The following PSG8 variants were observed in gnomAD, a reference collection of about 807,000 sequenced individuals.
The protein encoded by PSG8 is pregnancy-specific beta-1-glycoprotein 8.
Under a neutral mutation model 42.5 loss-of-function variants are expected in PSG8, and 57 were observed. That is an observed-to-expected ratio of 1.34 (90% CI 1.08 to 1.67). The LOEUF (loss-of-function observed/expected upper bound fraction) is 1.67, where lower values mean the gene tolerates loss of function less well. PSG8 is among the 40% of genes most tolerant of loss of function. PSG8 has a pLI of 0.00. For missense variants in PSG8, 783 were observed against 518.6 expected, an observed-to-expected ratio of 1.51 and a Z score of -4.95; for synonymous variants, 280 against 196.8, an observed-to-expected ratio of 1.42 and a Z score of -3.54.
Position 42,763,959 on chromosome 19 carries a change from A to G in PSG8, c.387T>C (p.Asp129=). 1 of 1,611,196 alleles carries G rather than the reference A, an allele frequency of 6.2e-7. No individual in the cohort carries two copies. The highest frequency in any genetic ancestry group is 1.7e-5 in the Admixed American group (1 of 59,932). ...SYTLHIIMGG[D]ENRGVTGHFT... The stretch of plus-strand genomic sequence containing the variant: ...AATGTCCAGTTACTCCTCTATTCTC[A>G]TCACCTCCCATTATGATGTGTAAGG... The change falls in exon 2 of 5, where the codon GAT becomes GAC. Residue 129 remains aspartate (D), a synonymous_variant. Coordinates refer to ENST00000306511, the MANE Select transcript of PSG8 (RefSeq NM_182707.3).
chr19:42,764,578 C>T (rs969027709), intron 1 of PSG8, among the ~76,000 whole-genome samples: 1 of 151,956 alleles, frequency 6.6e-6, no homozygotes, highest in African/African-American at 2.4e-5. Context: ...CCGCATGGCC[C>T]CCTCCACACT....
chr19:42,756,131 G>A (rs1420304223), intron 3 of PSG8: 2 of 152,310 alleles, frequency 1.3e-5, no homozygotes, highest in African/African-American at 2.4e-5. Flanking sequence ...TGGAAATCTG[G>A]TCCTCATGGA....
At chr19:42,756,877 G>A (rs925080242) in intron 3 of PSG8, among the ~76,000 whole-genome samples, 1 of 151,536 alleles carries the variant, frequency 6.6e-6, no homozygotes, top group Non-Finnish European at 1.5e-5. Flanking sequence ...TGCAAAAAAT[G>A]TTACTGGGAT....
chr19:42,765,062 C>CAATA (rs113131452), intron 1 of PSG8, among the ~76,000 whole-genome samples: 1 of 151,786 alleles, frequency 6.6e-6, no homozygotes, highest in Non-Finnish European at 1.5e-5. Flanking sequence ...AATTCTGGTT[C>CAATA]CTGTGACTTT....
In PSG8 at chr19:42,760,732, G is replaced by A. The variant is rs542836518; in HGVS notation, c.431-2452C>T. On this transcript the variant is annotated intron_variant, in intron 2 of 4. Coordinates refer to ENST00000306511, the MANE Select transcript of PSG8 (RefSeq NM_182707.3). ...CAAGTAGCTGGGACTACAGGGGCCC[G>A]CCACCATGGCTGGCTAATTTTTTGT... Among the ~76,000 whole-genome samples the A allele has an allele frequency of 5.9e-5, 9 of 152,112 alleles. 1 individual carries two copies. In the South Asian group the frequency reaches 1.0e-3, roughly 18 times the overall value.
Position 42,764,233 on chromosome 19 carries a change from A to C in PSG8, c.113T>G (p.Ile38Ser). The change falls in exon 2 of 5, where the codon ATT becomes AGT. Residue 38 changes from isoleucine to serine, a missense_variant. Coordinates refer to ENST00000306511, the MANE Select transcript of PSG8 (RefSeq NM_182707.3). ...WNPPTTAQVT[I>S]EAQPTKVSEG... ...AGAAACTTTGGTTGGCTGGGCTTCAATCGTGACTTGGGCAGTCGTGGGTGG... is the reference window on the plus strand; with the variant it reads ...AGAAACTTTGGTTGGCTGGGCTTCACTCGTGACTTGGGCAGTCGTGGGTGG... The C allele has an allele frequency of 6.2e-7, 1 of 1,613,770 alleles. No individual in the cohort carries two copies.
Position 42,758,066 on chromosome 19 carries a change from A to T in PSG8, c.645T>A (p.Tyr215Ter). 2.5e-6 allele frequency: 4 copies of T among 1,614,070 alleles called. No individual in the cohort carries two copies. Among genetic ancestry groups the T allele is most frequent in the Non-Finnish European group, 2.5e-6 (3 of 1,179,952 alleles). Residue 215 changes from tyrosine (Y) to a stop codon, truncating the protein, a stop_gained, in exon 3 of 5, where the codon TAT (tyrosine) becomes TAA (stop). Coordinates refer to ENST00000306511, the MANE Select transcript of PSG8 (RefSeq NM_182707.3). LOFTEE classifies it high-confidence loss of function. ...TCACTGGGTTCCGTATTTCACATTC[A>T]TAGGGTCCTGCAGTGTACTTTGTGA... ...LGVTKYTAGPYECEIRNPVSA... is the reference protein window; with the variant it reads ...LGVTKYTAGP
chr19:42,761,165 G>T (rs748045328), intron 2 of PSG8, among the ~76,000 whole-genome samples: 15 of 152,172 alleles, frequency 9.9e-5, no homozygotes, highest in Non-Finnish European at 2.1e-4. Flanking sequence ...ACTCCATCTG[G>T]CATCTAGTCT....
chr19:42,760,360 G>A (rs577859527), intron 2 of PSG8, among the ~76,000 whole-genome samples: 2 of 152,258 alleles, frequency 1.3e-5, no homozygotes, highest in South Asian at 4.1e-4. Context: ...GTATGTTACA[G>A]CCTTTGTAGT....
At chr19:42,761,756 T>G (rs1970079665) in intron 2 of PSG8, among the ~76,000 whole-genome samples, 1 of 151,426 alleles carries the variant, frequency 6.6e-6, no homozygotes, top group South Asian at 2.1e-4. Flanking sequence ...TAAACCTCTG[T>G]CCTCCTGTTT....
At chr19:42,759,278 C>A (rs1179294495) in intron 2 of PSG8, among the ~76,000 whole-genome samples, 1 of 152,016 alleles carries the variant, frequency 6.6e-6, no homozygotes, top group Admixed American at 6.6e-5. Context: ...TCAGTGGATT[C>A]CAGAGTGAAT....
In PSG8 at chr19:42,755,120, C is replaced by T; in HGVS notation, c.856G>A (p.Val286Ile). Reference sequence around the variant, plus strand: ...ATCCTGTTTTCAATGGGTCGCTTTACCCTGGGACTGACCGGGAGGCTCTGA... The same window carrying T: ...ATCCTGTTTTCAATGGGTCGCTTTATCCTGGGACTGACCGGGAGGCTCTGA... ...NGQSLPVSPR[V>I]KRPIENRILI... Residue 286 changes from valine to isoleucine, a missense_variant, in exon 4 of 5, where the codon GTA becomes ATA. Val to Ile is a conservative substitution (Grantham distance 29). Coordinates refer to ENST00000306511, the MANE Select transcript of PSG8 (RefSeq NM_182707.3). The T allele has an allele frequency of 6.2e-7, 1 of 1,611,906 alleles. No individual in the cohort carries two copies.
At chr19:42,764,444 T>A (rs1421198137) in intron 1 of PSG8, among the ~76,000 whole-genome samples, 163 bp from the exon 2 acceptor site, 3 of 151,892 alleles carry the variant, frequency 2.0e-5, no homozygotes, top group East Asian at 3.9e-4. Flanking sequence ...GGCATGTGTG[T>A]CTGTGTGTGT....
rs116389883 is a variant in PSG8, at chr19:42,758,209, T to G, written c.502A>C (p.Thr168Pro). 5 of 1,613,850 alleles carry G rather than the reference T, an allele frequency of 3.1e-6. No individual in the cohort carries two copies. In the Admixed American group the frequency reaches 5.0e-5, roughly 16 times the overall value. The part of the protein sequence containing the change: ...PREAMEAVSL[T>P]CDPETPDASY... ...GCGTCCGGAGTCTCAGGATCACAGG[T>G]TAAGCTCACAGCCTCCATGGCCTCC... is the stretch of plus-strand genomic sequence containing the variant. The change falls in exon 3 of 5, where the codon ACC becomes CCC. Residue 168 changes from threonine to proline, a missense_variant. By Grantham distance (38) the Thr-to-Pro change is conservative. Transcript: ENST00000306511.
intron 2 of PSG8, chr19:42,758,714 A>T (rs528681741): frequency 4.9e-6 from 1 of 203,314 alleles, no homozygotes; most frequent in South Asian, 1.0e-4. Flanking sequence ...CATCCTAGAG[A>T]TGGGTGATGG....
chr19:42,761,755 G>A (rs1282998254), intron 2 of PSG8, among the ~76,000 whole-genome samples: 3 of 148,644 alleles, frequency 2.0e-5, no homozygotes, highest in South Asian at 2.1e-4. Context: ...ATAAACCTCT[G>A]TCCTCCTGTT....
At chr19:42,761,028 C>A (rs1421426342) in intron 2 of PSG8, among the ~76,000 whole-genome samples, 1 of 151,988 alleles carries the variant, frequency 6.6e-6, no homozygotes, top group African/African-American at 2.4e-5. Flanking sequence ...AGCTCCATAG[C>A]AGGTTGAGGA....
In PSG8 at chr19:42,758,044, C is replaced by T. The variant is rs371313519; in HGVS notation, c.667G>A (p.Val223Met). The T allele has an allele frequency of 1.2e-6, 2 of 1,614,044 alleles. No homozygotes were observed. Among genetic ancestry groups the T allele is most frequent in the Non-Finnish European group, 8.5e-7 (1 of 1,179,962 alleles). Reference protein sequence around the residue: ...GPYECEIRNPVSASRSDPFTL... With the variant: ...GPYECEIRNPMSASRSDPFTL... ...AATGGGTCACTGCGGCTGGCACTCA[C>T]TGGGTTCCGTATTTCACATTCATAG... Residue 223 changes from valine (V) to methionine (M), a missense_variant, in exon 3 of 5, where the codon GTG (valine) becomes ATG (methionine). Transcript: ENST00000306511.
chr19:42,754,843 T>C (rs1969876361), intron 4 of PSG8, 145 bp downstream of exon 4: 1 of 1,511,742 alleles, frequency 6.6e-7, no homozygotes, highest in Non-Finnish European at 8.8e-7. Flanking sequence ...ACCCAGGTTT[T>C]CCCAGGGCAG....
Sources: allele counts gnomAD v4.1 joint callset (sites outside exome capture counted in the v4.1 genomes callset), GRCh38; gene constraint gnomAD v4.1.1; transcripts MANE v1.5; gene names NCBI Gene and HGNC (gene_info 2026-07-23, HGNC 2026-07-21).